RNF6: variants seen among roughly 807,000 people sequenced by gnomAD.
The protein encoded by RNF6 is E3 ubiquitin-protein ligase RNF6.
In RNF6, 21 loss-of-function variants were observed where a neutral mutation model predicts 50.1. The ratio of observed to expected loss-of-function variants is 0.42; its 90% confidence interval spans 0.30 to 0.60. The LOEUF is 0.60. Ranked by LOEUF, RNF6 falls within the 20% of genes least tolerant of loss-of-function variation. RNF6 has a pLI of 0.20. For synonymous variants in RNF6, 255 were observed against 291.8 expected (o/e 0.87, Z 1.29); for missense variants, 698 against 838.2 (o/e 0.83, Z 2.07).
chr13:26,188,554 G>C (rs1873661104), intron 5 of RNF6, among the ~76,000 whole-genome samples: 1 of 149,206 alleles, frequency 6.7e-6, no homozygotes, highest in African/African-American at 2.5e-5. Flanking sequence ...AGACTGAGGG[G>C]AGTTTAGGTG....
At chr13:26,148,078 CTT>C (rs1871344861) in intron 5 of RNF6, among the ~76,000 whole-genome samples, 1 of 152,134 alleles carries the variant, frequency 6.6e-6, no homozygotes. Context: ...CCTCAGGAAA[CTT>C]ACAACCATGA....
At chr13:26,145,326 C>G (rs1238878823) in intron 5 of RNF6, among the ~76,000 whole-genome samples, 1 of 152,014 alleles carries the variant, frequency 6.6e-6, no homozygotes. Context: ...ATCACCACTT[C>G]TGCATCTTTC....
intron 5 of RNF6, among the ~76,000 whole-genome samples, chr13:26,139,291 G>A (rs1870811511): frequency 6.6e-6 from 1 of 152,132 alleles, no homozygotes; most frequent in African/African-American, 2.4e-5. Context: ...GGAATTATGA[G>A]GACTGACCAT....
intron 5 of RNF6, among the ~76,000 whole-genome samples, chr13:26,175,270 G>A (rs1044738456): frequency 7.2e-5 from 11 of 152,100 alleles, no homozygotes; most frequent in South Asian, 4.2e-4. Flanking sequence ...TAGTAGAGAC[G>A]GGGTTTGGCC....
chr13:26,205,990 G>A (rs1593186352), intron 5 of RNF6, among the ~76,000 whole-genome samples: 1 of 152,194 alleles, frequency 6.6e-6, no homozygotes, highest in East Asian at 1.9e-4. Flanking sequence ...TCCAGCCTGA[G>A]AGACAGAGTA....
intron 5 of RNF6, among the ~76,000 whole-genome samples, chr13:26,155,281 C>T (rs1017582869): frequency 6.6e-6 from 1 of 152,092 alleles, no homozygotes; most frequent in African/African-American, 2.4e-5. Context: ...AAATAAACAA[C>T]AAACAAATCC....
At chr13:26,148,241 T>A (rs1302808442) in intron 5 of RNF6, among the ~76,000 whole-genome samples, 1 of 152,090 alleles carries the variant, frequency 6.6e-6, no homozygotes, top group Non-Finnish European at 1.5e-5. Context: ...ACTGCCCCCA[T>A]GATCCAATCA....
At chr13:26,143,516 C>T (rs1208515173) in intron 5 of RNF6, among the ~76,000 whole-genome samples, 7 of 147,042 alleles carry the variant, frequency 4.8e-5, no homozygotes, top group Admixed American at 1.4e-4. Context: ...GTTGTAGGAA[C>T]AGGAAGAAAA....
chr13:26,145,938 G>A (rs1229200023), intron 5 of RNF6, among the ~76,000 whole-genome samples: 2 of 152,184 alleles, frequency 1.3e-5, no homozygotes, highest in Non-Finnish European at 2.9e-5. Context: ...AATAACCACA[G>A]GATGGGTTTG....
At chr13:26,193,618 G>T (rs1037407020) in intron 5 of RNF6, among the ~76,000 whole-genome samples, 37 of 152,202 alleles carry the variant, frequency 2.4e-4, no homozygotes, top group African/African-American at 8.9e-4. Flanking sequence ...AAGGAGTTTT[G>T]CAGTGAAGGA....
At position 26,221,247 on chromosome 13, in the gene RNF6, C is replaced by T. The variant is rs1870455591; in HGVS notation, c.-19+1G>A. 1 of 152,184 alleles carries T rather than the reference C, an allele frequency of 6.6e-6. No homozygotes were observed. Among genetic ancestry groups the T allele is most frequent in the Non-Finnish European group, 1.5e-5 (1 of 68,026 alleles). The allele number at this position is 152,184 out of a possible 1,614,324, so 9.4% of individuals were successfully genotyped here. A position where few individuals can be genotyped will look rare whatever the true frequency, so the allele number is the denominator to read the frequency against. On this transcript the variant is annotated splice_donor_variant, in intron 2 of 4. Coordinates refer to ENST00000381588, the MANE Select transcript of RNF6 (RefSeq NM_005977.4). LOFTEE classifies it low-confidence loss of function (5UTR_SPLICE). The stretch of plus-strand genomic sequence containing the variant: ...AATCACAATGAAAACAAAGCGAATA[C>T]CTTATTTTCCTTTCAACACGCTTTT...
chr13:26,182,073 T>A (rs139427344), intron 5 of RNF6, among the ~76,000 whole-genome samples: 4 of 152,358 alleles, frequency 2.6e-5, no homozygotes, highest in Admixed American at 1.3e-4. Context: ...ATAAAACTCT[T>A]CTGATAATTT....
At chr13:26,162,238 A>G (rs1354546354) in intron 5 of RNF6, among the ~76,000 whole-genome samples, 4 of 152,120 alleles carry the variant, frequency 2.6e-5, no homozygotes, top group African/African-American at 7.2e-5. Context: ...GCCAGGTACC[A>G]GGCCACTAAA....
chr13:26,204,144 TTC>T (rs1869003633), intron 5 of RNF6, among the ~76,000 whole-genome samples: 1 of 152,078 alleles, frequency 6.6e-6, no homozygotes. Flanking sequence ...GTATGTATAA[TTC>T]TGTCTTGGTG....
chr13:26,161,809 C>G (rs1872227402), intron 5 of RNF6, among the ~76,000 whole-genome samples: 1 of 152,086 alleles, frequency 6.6e-6, no homozygotes, highest in African/African-American at 2.4e-5. Flanking sequence ...CGCACTCTTC[C>G]CCCTTTGCCC....
chr13:26,199,810 G>A (rs563700293), intron 5 of RNF6, among the ~76,000 whole-genome samples: 3 of 152,150 alleles, frequency 2.0e-5, no homozygotes, highest in Non-Finnish European at 4.4e-5. Flanking sequence ...TAACTCTTAT[G>A]GGTTAAATGT....
At chr13:26,180,951 G>A (rs564337058) in intron 5 of RNF6, among the ~76,000 whole-genome samples, 2 of 152,306 alleles carry the variant, frequency 1.3e-5, no homozygotes, top group African/African-American at 2.4e-5. Context: ...TCCTGTAGTC[G>A]GAGATGTTCT....
intron 5 of RNF6, among the ~76,000 whole-genome samples, chr13:26,178,103 C>A (rs1013921166): frequency 6.6e-6 from 1 of 152,120 alleles, no homozygotes; most frequent in Non-Finnish European, 1.5e-5. Flanking sequence ...GTGGGAGAAT[C>A]GCTTGAACCT....
At chr13:26,155,885 TA>T (rs1415787718) in intron 5 of RNF6, among the ~76,000 whole-genome samples, 4 of 152,118 alleles carry the variant, frequency 2.6e-5, no homozygotes, top group African/African-American at 9.7e-5. Context: ...GAAGGAGTCT[TA>T]AACAAGCCAC....
Sources: allele counts gnomAD v4.1 joint callset (sites outside exome capture counted in the v4.1 genomes callset), GRCh38; gene constraint gnomAD v4.1.1; transcripts MANE v1.5; gene names NCBI Gene and HGNC (gene_info 2026-07-23, HGNC 2026-07-21).